Variants in TMPRSS7 observed in about 807,000 individuals in gnomAD.
TMPRSS7 encodes transmembrane serine protease 7.
In TMPRSS7, 81 loss-of-function variants were observed where a neutral mutation model predicts 95.6. That is an observed-to-expected ratio of 0.85 (90% CI 0.71 to 1.02). The LOEUF (loss-of-function observed/expected upper bound fraction) is 1.02, where lower values mean the gene tolerates loss of function less well. Ranked by LOEUF, TMPRSS7 falls within the 50% of genes least tolerant of loss-of-function variation. The pLI is 0.00. For synonymous variants in TMPRSS7, 364 were observed against 337.8 expected (o/e 1.08, Z -0.85); for missense variants, 945 against 955.2 (o/e 0.99, Z 0.14).
At chr3:112,075,916 G>A (rs1202063739) in intron 15 of TMPRSS7, among the ~76,000 whole-genome samples, 1 of 151,690 alleles carries the variant, frequency 6.6e-6, no homozygotes, top group Non-Finnish European at 1.5e-5. Context: ...ACTTACTATT[G>A]GAATCTACTG....
chr3:112,047,949 G>A lies in TMPRSS7; in HGVS notation c.941G>A (p.Arg314Gln), dbSNP rs200962613. 20 of 1,613,798 alleles carry A rather than the reference G, an allele frequency of 1.2e-5. No homozygotes were observed. Among genetic ancestry groups the A allele is most frequent in the South Asian group, 7.7e-5 (7 of 91,052 alleles). ...ATTTACGACTCCCTTTTGCCCATCC[G>A]GAGCAGCATCTTGTACAGGTACGAT... Residue 314 changes from arginine to glutamine, a missense_variant, in exon 7 of 18, where the codon CGG becomes CAG. Transcript: ENST00000452346.
intron 7 of TMPRSS7, among the ~76,000 whole-genome samples, chr3:112,048,924 A>G (rs187596159): frequency 6.6e-6 from 1 of 152,194 alleles, no homozygotes; most frequent in Admixed American, 6.5e-5. Context: ...ACTTAAGGCC[A>G]ATTAGTGCTG....
chr3:112,069,204 G>C (rs1445519646), intron 13 of TMPRSS7, among the ~76,000 whole-genome samples: 1 of 152,168 alleles, frequency 6.6e-6, no homozygotes, highest in Non-Finnish European at 1.5e-5. Flanking sequence ...GCTTTTTGAT[G>C]TGCTGCTGGA....
At chr3:112,054,845 T>C (rs1007971095) in intron 9 of TMPRSS7, among the ~76,000 whole-genome samples, 14 of 140,898 alleles carry the variant, frequency 9.9e-5, no homozygotes, top group Admixed American at 8.5e-4. Context: ...GTTCACGCCA[T>C]TCTCCTGCCT....
rs113246843 is a variant in TMPRSS7 at position 112,070,011 on chromosome 3, G to A, written c.1666+3509G>A. Among the ~76,000 whole-genome samples, 629 of 152,326 alleles carry A rather than the reference G, an allele frequency of 4.1e-3. 5 individuals are homozygous for A. Among genetic ancestry groups the A allele is most frequent in the African/African-American group, 0.014 (581 of 41,568 alleles). On this transcript the variant is annotated intron_variant, in intron 13 of 17. Coordinates refer to ENST00000452346, the Ensembl canonical transcript of TMPRSS7. ...CACACCGCTTTAAATGTGTCCCAGAGATTCTGGTACATTGCATCTTTGTTC... is the reference window on the plus strand; with the variant it reads ...CACACCGCTTTAAATGTGTCCCAGAAATTCTGGTACATTGCATCTTTGTTC...
At chr3:112,074,202 T>A (rs2073686293) in intron 13 of TMPRSS7, 94 bp from the exon 14 acceptor site, 3 of 891,352 alleles carry the variant, frequency 3.4e-6, no homozygotes, top group Non-Finnish European at 5.3e-6. Flanking sequence ...GATTAAACCA[T>A]TTTTTATGGG....
At chr3:112,050,851 CA>C in intron 9 of TMPRSS7, 68 bp downstream of exon 9, 1 of 765,702 alleles carries the variant, frequency 1.3e-6, no homozygotes, top group Admixed American at 2.7e-5. Context: ...GAATTTCATT[CA>C]TTTTTTAATT....
At chr3:112,046,387 G>C (rs2073278152) in intron 5 of TMPRSS7, among the ~76,000 whole-genome samples, 1 of 152,158 alleles carries the variant, frequency 6.6e-6, no homozygotes, top group Non-Finnish European at 1.5e-5. Context: ...TGTTTGCCTT[G>C]ATAGTAAAAT....
rs551399833 is a variant in TMPRSS7 at position 112,045,039 on chromosome 3, C to T, written c.498-711C>T. Among the ~76,000 whole-genome samples, 13 of 152,312 alleles carry T rather than the reference C, an allele frequency of 8.5e-5. No homozygotes were observed. The East Asian group carries it at 1.9e-3, about 23-fold the overall frequency. On this transcript the variant is annotated intron_variant, in intron 4 of 17. Coordinates refer to ENST00000452346, the Ensembl canonical transcript of TMPRSS7. ...GAGTTGTATTCGGCTTCAGTTTTCT[C>T]ACCTATAAAACTGGAATAATAATGG...
intron 9 of TMPRSS7, among the ~76,000 whole-genome samples, chr3:112,055,514 T>C (rs16859115): frequency 0.25 from 37,743 of 151,486 alleles, 4,816 homozygotes; most frequent in Middle Eastern, 0.28. Context: ...ATAACTAAAA[T>C]GTCTTTCAGA....
chr3:112,050,853 T>C (rs947261943), intron 9 of TMPRSS7, 70 bp downstream of exon 9: 39 of 755,932 alleles, frequency 5.2e-5, no homozygotes, highest in South Asian at 2.6e-4. Flanking sequence ...ATTTCATTCA[T>C]TTTTTAATTA....
chr3:112,045,716 G>A lies in TMPRSS7; in HGVS notation c.498-34G>A, dbSNP rs1473987468. 3 of 1,519,316 alleles carry A rather than the reference G, an allele frequency of 2.0e-6. No homozygotes were observed. The South Asian group carries it at 3.9e-5, about 20-fold the overall frequency. The allele number at this position is 1,519,316 out of a possible 1,614,324, so 94.1% of individuals were successfully genotyped here. On this transcript the variant is annotated intron_variant, in intron 4 of 17. Coordinates refer to ENST00000452346, the Ensembl canonical transcript of TMPRSS7. Reference sequence around the variant, plus strand: ...GTATTTCTTCTCTGTAAAGTCCTATGAGGTCCCTGATGATCTCTCTTTTTT... The same window carrying A: ...GTATTTCTTCTCTGTAAAGTCCTATAAGGTCCCTGATGATCTCTCTTTTTT...
In TMPRSS7 at chr3:112,050,526, A is replaced by AAAAAAAAC. The variant is rs1157850488; in HGVS notation, c.1091-138_1091-137insCAAAAAAA. ...AGGGTGGCATTCCTTTCTTCTGAAA[A>AAAAAAAAC]AAAAAAAAAAAACCCAAAGTTTAAG... On this transcript the variant is annotated intron_variant, in intron 8 of 17. Coordinates refer to ENST00000452346, the Ensembl canonical transcript of TMPRSS7. 93 of 347,368 alleles carry AAAAAAAAC rather than the reference A, an allele frequency of 2.7e-4. 2 individuals are homozygous for AAAAAAAAC. The highest frequency in any genetic ancestry group is 1.5e-3 in the Middle Eastern group (2 of 1,340). The allele number at this position is 347,368 out of a possible 1,614,324, so 21.5% of individuals were successfully genotyped here.
chr3:112,074,506 A>G, intron 14 of TMPRSS7, 94 bp downstream of exon 14: 1 of 956,588 alleles, frequency 1.0e-6, no homozygotes, highest in East Asian at 2.6e-5. Context: ...ATTTCCCTTG[A>G]TCGAGGTTGC....
At chr3:112,047,932 C>A (rs756782875) in exon 7 of TMPRSS7, 2 of 1,613,998 alleles carry the variant, frequency 1.2e-6, no homozygotes, top group Non-Finnish European at 1.7e-6. Flanking sequence ...CCATTTACGA[C>A]TCCCTTTTGC....
intron 6 of TMPRSS7, 193 bp from the exon 7 acceptor site, chr3:112,047,542 CTATA>C: frequency 3.0e-6 from 2 of 666,874 alleles, no homozygotes; most frequent in Non-Finnish European, 5.5e-6. Flanking sequence ...CCCAACCAAA[CTATA>C]TAGACAGAGT....
At chr3:112,076,035 T>G (rs940331082) in intron 15 of TMPRSS7, among the ~76,000 whole-genome samples, 16 of 152,244 alleles carry the variant, frequency 1.1e-4, no homozygotes, top group African/African-American at 3.6e-4. Context: ...ATAGGATTTG[T>G]GTTAATTATT....
At chr3:112,063,780 A>T in intron 12 of TMPRSS7, 148 bp downstream of exon 12, 1 of 688,494 alleles carries the variant, frequency 1.5e-6, no homozygotes, top group East Asian at 2.8e-5. Flanking sequence ...TTAAACAATC[A>T]TTTATTCTTG....
intron 6 of TMPRSS7, chr3:112,047,296 C>T: frequency 1.6e-6 from 1 of 607,950 alleles, no homozygotes; most frequent in Admixed American, 2.2e-5. Flanking sequence ...ATCAAGTGTG[C>T]TCTTCCACTG....
Sources: gnomAD v4.1 joint callset for allele counts (sites outside exome capture counted in the v4.1 genomes callset) on GRCh38, gnomAD v4.1.1 for gene constraint, MANE v1.5 for transcripts, NCBI Gene and HGNC (gene_info 2026-07-23, HGNC 2026-07-21) for gene names.